Variants in CDH12 observed in about 807,000 individuals in gnomAD.
CDH12 encodes cadherin 12, also known as cadherin-12.
Under a neutral mutation model 74.1 loss-of-function variants are expected in CDH12, and 41 were observed. The observed-to-expected ratio is 0.55, with a 90% confidence interval of 0.43 to 0.72. CDH12 has a LOEUF of 0.72. Ranked by LOEUF, CDH12 falls within the 30% of genes least tolerant of loss-of-function variation. CDH12 has a pLI of 0.00. For missense variants in CDH12, 945 were observed against 977.2 expected, an observed-to-expected ratio of 0.97 and a Z score of 0.44; for synonymous variants, 399 against 355.0, an observed-to-expected ratio of 1.12 and a Z score of -1.39.
At chr5:22,017,206 G>GT (rs1737662291) in intron 5 of CDH12, among the ~76,000 whole-genome samples, 1 of 151,618 alleles carries the variant, frequency 6.6e-6, no homozygotes, top group South Asian at 2.1e-4. Flanking sequence ...TCTTTTGAAC[G>GT]TTGGCTGACA....
chr5:22,058,466 C>A (rs1740909606), intron 5 of CDH12, among the ~76,000 whole-genome samples: 1 of 151,800 alleles, frequency 6.6e-6, no homozygotes, highest in African/African-American at 2.4e-5. Context: ...AGCAGTAATT[C>A]CTTGACATTT....
intron 1 of CDH12, among the ~76,000 whole-genome samples, chr5:22,760,697 AAAAC>A (rs1326863422): frequency 6.6e-5 from 10 of 150,594 alleles, no homozygotes; most frequent in African/African-American, 2.5e-4. Flanking sequence ...AAAAAAAAAA[AAAAC>A]AAAAAAAAAA....
intron 2 of CDH12, among the ~76,000 whole-genome samples, chr5:22,471,582 A>C (rs1219431518): frequency 1.3e-5 from 2 of 152,198 alleles, no homozygotes; most frequent in African/African-American, 4.8e-5. Context: ...GGGGGGAAAA[A>C]ACTGTATCTT....
At chr5:22,182,498 T>C (rs1457804601) in intron 4 of CDH12, among the ~76,000 whole-genome samples, 1 of 152,200 alleles carries the variant, frequency 6.6e-6, no homozygotes, top group East Asian at 1.9e-4. Flanking sequence ...CCTAAAAGAA[T>C]ATTTTGCCTG....
At chr5:22,291,559 T>C (rs1737389474) in intron 3 of CDH12, among the ~76,000 whole-genome samples, 1 of 152,110 alleles carries the variant, frequency 6.6e-6, no homozygotes, top group Admixed American at 6.5e-5. Flanking sequence ...TATGCACAAA[T>C]TGCAAACAAC....
At chr5:22,364,309 T>A (rs1035645236) in intron 3 of CDH12, among the ~76,000 whole-genome samples, 16 of 64,664 alleles carry the variant, frequency 2.5e-4, no homozygotes, top group African/African-American at 5.2e-4. Context: ...GAAAAGACAA[T>A]GCTTTCATGA....
intron 12 of CDH12, among the ~76,000 whole-genome samples, chr5:21,762,683 A>T (rs1487170450): frequency 6.6e-6 from 1 of 152,130 alleles, no homozygotes; most frequent in Non-Finnish European, 1.5e-5. Context: ...GTTTATTCAG[A>T]TATGAAAAAA....
chr5:21,991,303 G>T (rs1757738888), intron 5 of CDH12, among the ~76,000 whole-genome samples: 1 of 151,650 alleles, frequency 6.6e-6, no homozygotes, highest in East Asian at 1.9e-4. Flanking sequence ...TTTAATAACA[G>T]AAATGGTTAT....
chr5:22,377,903 T>C (rs962978319), intron 3 of CDH12, among the ~76,000 whole-genome samples: 2 of 152,188 alleles, frequency 1.3e-5, no homozygotes, highest in Non-Finnish European at 2.9e-5. Context: ...CTATGCTACA[T>C]TGCTAATATA....
At chr5:22,107,520 T>G (rs201414502) in intron 4 of CDH12, among the ~76,000 whole-genome samples, 2 of 65,018 alleles carry the variant, frequency 3.1e-5, no homozygotes, top group South Asian at 7.8e-4. Flanking sequence ...TGTGTATATA[T>G]ACATATAATA....
chr5:21,850,788 A>G lies in CDH12; in HGVS notation c.646+3883T>C, dbSNP rs1215098445. On this transcript the variant is annotated intron_variant, in intron 7 of 14. Coordinates refer to ENST00000382254, the MANE Select transcript of CDH12 (RefSeq NM_004061.5). The stretch of plus-strand genomic sequence containing the variant: ...AGCAAGAAATATCAGAACAGGAAAT[A>G]AAAAACTTTTAAAGTATCTCATGCA... Among the ~76,000 whole-genome samples the G allele has an allele frequency of 7.3e-5, 11 of 151,454 alleles. No individual in the cohort carries two copies. In the Admixed American group the frequency reaches 7.3e-4, roughly 10 times the overall value.
intron 5 of CDH12, among the ~76,000 whole-genome samples, chr5:22,027,662 C>T (rs1580133850): frequency 6.6e-6 from 1 of 152,110 alleles, no homozygotes; most frequent in South Asian, 2.1e-4. Context: ...GTGGTGATAT[C>T]CCCTTTATCA....
chr5:22,551,243 G>A (rs763947028), intron 1 of CDH12, among the ~76,000 whole-genome samples: 1 of 152,198 alleles, frequency 6.6e-6, no homozygotes, highest in Non-Finnish European at 1.5e-5. Flanking sequence ...CAGGAAGAAG[G>A]TGGCCATGTG....
At chr5:22,080,774 CTTTCT>C (rs1742670479) in intron 4 of CDH12, among the ~76,000 whole-genome samples, 1 of 151,676 alleles carries the variant, frequency 6.6e-6, no homozygotes, top group African/African-American at 2.4e-5. Context: ...TTGCTTCTTT[CTTTCT>C]TTTTTCTTTT....
At chr5:22,585,270 G>A (rs917999492) in intron 1 of CDH12, among the ~76,000 whole-genome samples, 3 of 152,082 alleles carry the variant, frequency 2.0e-5, no homozygotes, top group African/African-American at 4.8e-5. Context: ...AAAGATCAGC[G>A]TAACCGCCAC....
chr5:22,400,736 C>CA (rs1033009207), intron 3 of CDH12, among the ~76,000 whole-genome samples: 10 of 151,812 alleles, frequency 6.6e-5, no homozygotes, highest in East Asian at 1.9e-4. Context: ...TATAGCTTTG[C>CA]AAAAAAAATT....
At chr5:21,937,559 A>G (rs1378184675) in intron 6 of CDH12, among the ~76,000 whole-genome samples, 2 of 152,202 alleles carry the variant, frequency 1.3e-5, no homozygotes, top group African/African-American at 4.8e-5. Context: ...CAGACACAAA[A>G]ATGATGTCTA....
chr5:22,428,149 C>CATAG (rs1744017681), intron 2 of CDH12, among the ~76,000 whole-genome samples: 1 of 151,540 alleles, frequency 6.6e-6, no homozygotes, highest in Admixed American at 6.6e-5. Context: ...TATAAAACTC[C>CATAG]ATAGATAGAT....
At chr5:22,798,468 C>A (rs1026764863) in intron 1 of CDH12, among the ~76,000 whole-genome samples, 8 of 151,910 alleles carry the variant, frequency 5.3e-5, no homozygotes, top group African/African-American at 1.7e-4. Flanking sequence ...TTATTGTTAT[C>A]CTAAAATTTA....
Sources: allele counts gnomAD v4.1 joint callset (sites outside exome capture counted in the v4.1 genomes callset), GRCh38; gene constraint gnomAD v4.1.1; transcripts MANE v1.5; gene names NCBI Gene and HGNC (gene_info 2026-07-23, HGNC 2026-07-21).